PHTF2: variants seen among roughly 807,000 people sequenced by gnomAD.
PHTF2 encodes the protein protein PHTF2.
Under a neutral mutation model 101.2 loss-of-function variants are expected in PHTF2, and 60 were observed. That is an observed-to-expected ratio of 0.59 (90% CI 0.48 to 0.73). PHTF2 has a LOEUF of 0.73. Among genes scored for constraint, PHTF2 ranks in the 30% least tolerant of loss-of-function variants. PHTF2 has a pLI of 0.00. For synonymous variants in PHTF2, 311 were observed against 307.3 expected, an observed-to-expected ratio of 1.01 and a Z score of -0.13; for missense variants, 747 against 908.7, an observed-to-expected ratio of 0.82 and a Z score of 2.29.
At chr7:77,859,967 G>A (rs960023116) in intron 3 of PHTF2, among the ~76,000 whole-genome samples, 3 of 152,044 alleles carry the variant, frequency 2.0e-5, no homozygotes, top group Non-Finnish European at 4.4e-5. Context: ...AGATATTTGG[G>A]TTGTTTAACC....
chr7:77,914,392 G>A (rs905561051), intron 9 of PHTF2, among the ~76,000 whole-genome samples: 2 of 152,200 alleles, frequency 1.3e-5, no homozygotes, highest in Non-Finnish European at 2.9e-5. Context: ...TAGAAACTAA[G>A]CTAAACTCAA....
intron 1 of PHTF2, among the ~76,000 whole-genome samples, chr7:77,804,622 A>G (rs927290067): frequency 3.9e-5 from 6 of 152,180 alleles, no homozygotes; most frequent in Non-Finnish European, 7.3e-5. Context: ...CACTATGCCC[A>G]ACCTTAATGA....
chr7:77,912,422 GT>G (rs1402473110), intron 9 of PHTF2, among the ~76,000 whole-genome samples: 2 of 152,114 alleles, frequency 1.3e-5, no homozygotes, highest in African/African-American at 4.8e-5. Context: ...TTCAGGCTTT[GT>G]TAAGACAGGA....
chr7:77,807,347 A>T (rs1340596495), intron 1 of PHTF2, among the ~76,000 whole-genome samples: 1 of 151,414 alleles, frequency 6.6e-6, no homozygotes, highest in African/African-American at 2.4e-5. Context: ...CAGTTGTTCC[A>T]CATCTTCATC....
At chr7:77,931,075 G>A (rs1054850186) in intron 12 of PHTF2, among the ~76,000 whole-genome samples, 1 of 152,114 alleles carries the variant, frequency 6.6e-6, no homozygotes, top group African/African-American at 2.4e-5. Context: ...AGTAGAAAAA[G>A]AACGGACTAT....
intron 1 of PHTF2, among the ~76,000 whole-genome samples, chr7:77,822,878 C>G (rs1336069464): frequency 6.6e-6 from 1 of 151,704 alleles, no homozygotes; most frequent in Non-Finnish European, 1.5e-5. Context: ...ATTGATGTCA[C>G]CCTCTGAAAT....
At chr7:77,881,043 G>A (rs1799369776) in intron 3 of PHTF2, among the ~76,000 whole-genome samples, 1 of 152,018 alleles carries the variant, frequency 6.6e-6, no homozygotes, top group Non-Finnish European at 1.5e-5. Context: ...TCTCCAAGTG[G>A]TTGTTTTTTT....
At chr7:77,925,035 C>G (rs1428020545) in intron 11 of PHTF2, among the ~76,000 whole-genome samples, 1 of 152,058 alleles carries the variant, frequency 6.6e-6, no homozygotes, top group African/African-American at 2.4e-5. Context: ...CTCTGTCCTG[C>G]TTTGTTCAGC....
intron 3 of PHTF2, among the ~76,000 whole-genome samples, chr7:77,876,085 A>G (rs1306855233): frequency 6.6e-6 from 1 of 152,154 alleles, no homozygotes; most frequent in Non-Finnish European, 1.5e-5. Flanking sequence ...GGGCCATAGT[A>G]TCTGCACTCT....
At chr7:77,799,759 A>G (rs1165097057) in intron 1 of PHTF2, among the ~76,000 whole-genome samples, 1 of 152,232 alleles carries the variant, frequency 6.6e-6, no homozygotes, top group Non-Finnish European at 1.5e-5. Flanking sequence ...TAGCGTGGCG[A>G]AAACAAGGAA....
intron 5 of PHTF2, chr7:77,895,876 T>TGTTGGCAGGTCTGAAGGTAGCAAG: frequency 6.6e-6 from 1 of 152,262 alleles, no homozygotes; most frequent in East Asian, 1.9e-4. Flanking sequence ...AAACTTGCTC[T>TGTTGGCAGGTCTGAAGGTAGCAAG]TTTGGTAGGT....
intron 9 of PHTF2, among the ~76,000 whole-genome samples, chr7:77,910,817 A>G (rs1802321543): frequency 6.6e-6 from 1 of 151,940 alleles, no homozygotes; most frequent in African/African-American, 2.4e-5. Flanking sequence ...AATTTTTTGT[A>G]TTTTTAGTAG....
intron 1 of PHTF2, among the ~76,000 whole-genome samples, chr7:77,822,774 A>G (rs983533207): frequency 1.3e-5 from 2 of 151,970 alleles, no homozygotes; most frequent in Non-Finnish European, 2.9e-5. Context: ...GTACTCTCCC[A>G]TTGACACTCA....
rs906892872 is a variant in PHTF2, at chr7:77,920,343, G to A, written c.841G>A (p.Asp281Asn). Residue 281 changes from aspartate (D) to asparagine (N), a missense_variant, in exon 10 of 20, where the codon GAT becomes AAT. Physicochemically the swap from Asp to Asn is conservative, Grantham distance 23. Around this residue, in one of 6 missense-constraint regions of PHTF2, gnomAD observed 349 missense variants for 369.7 expected, o/e 0.94. Coordinates refer to ENST00000416283, the Ensembl canonical transcript of PHTF2. ...AACTGACAATGGCTATGTATCCCTT[G>A]ATGGGAAGAAGACTGTTAAAAGCGG... 8 of 1,609,288 alleles carry A rather than the reference G, an allele frequency of 5.0e-6. No homozygotes were observed. The African/African-American group carries it at 6.7e-5, about 13-fold the overall frequency.
At chr7:77,875,980 T>C (rs1477318638) in intron 3 of PHTF2, among the ~76,000 whole-genome samples, 1 of 152,232 alleles carries the variant, frequency 6.6e-6, no homozygotes, top group Non-Finnish European at 1.5e-5. Flanking sequence ...CCTGATTTTA[T>C]AACTGAGGCA....
chr7:77,804,790 A>G (rs1380092900), intron 1 of PHTF2, among the ~76,000 whole-genome samples: 1 of 152,232 alleles, frequency 6.6e-6, no homozygotes, highest in Non-Finnish European at 1.5e-5. Context: ...AAGAAAAAAC[A>G]AAACAACCAT....
chr7:77,925,360 G>A (rs1803864872), intron 11 of PHTF2, among the ~76,000 whole-genome samples: 1 of 151,948 alleles, frequency 6.6e-6, no homozygotes. Flanking sequence ...GTTTTAACTT[G>A]AACTGTTCAA....
chr7:77,956,564 A>G (rs912312616), exon 20 of PHTF2: 4 of 152,596 alleles, frequency 2.6e-5, no homozygotes, highest in African/African-American at 9.7e-5. Flanking sequence ...GAACATACTT[A>G]GTTTCTCATG....
intron 11 of PHTF2, among the ~76,000 whole-genome samples, chr7:77,927,025 G>A (rs1804068529): frequency 6.6e-6 from 1 of 151,242 alleles, no homozygotes; most frequent in Non-Finnish European, 1.5e-5. Flanking sequence ...CGGTGTGGTG[G>A]CGGGCTCCTG....
Sources: allele counts gnomAD v4.1 joint callset (sites outside exome capture counted in the v4.1 genomes callset), GRCh38; gene constraint gnomAD v4.1.1; regional missense constraint gnomAD v4.1.1; transcripts MANE v1.5; gene names NCBI Gene and HGNC (gene_info 2026-07-23, HGNC 2026-07-21).